Variants in USH2A observed in about 807,000 individuals in gnomAD.
The protein encoded by USH2A is Usher syndrome 2A (autosomal recessive, mild).
A neutral mutation model predicts 538.9 loss-of-function variants in USH2A; 443 were observed. The observed-to-expected ratio is 0.82, with a 90% CI of 0.76 to 0.89. USH2A has a LOEUF of 0.89. USH2A is among the 40% of genes least tolerant of loss of function. USH2A has a pLI of 0.00. For synonymous variants in USH2A, 2,413 were observed against 2,273.5 expected (o/e 1.06, Z -1.75); for missense variants, 6,633 against 6,324.8 (o/e 1.05, Z -1.65).
At chr1:216,354,041 G>A (rs2038335706) in intron 4 of USH2A, among the ~76,000 whole-genome samples, 1 of 152,066 alleles carries the variant, frequency 6.6e-6, no homozygotes, top group South Asian at 2.1e-4. Flanking sequence ...AGGCCAGAAT[G>A]ACATATTAGA....
intron 3 of USH2A, among the ~76,000 whole-genome samples, chr1:216,394,820 G>A (rs1272090888): frequency 1.1e-4 from 15 of 142,102 alleles, no homozygotes; most frequent in African/African-American, 3.6e-4. Context: ...CCGGGTTCAC[G>A]CCATTCTCCT....
intron 21 of USH2A, among the ~76,000 whole-genome samples, chr1:216,166,621 G>T (rs541874324): frequency 1.3e-5 from 2 of 152,190 alleles, no homozygotes; most frequent in South Asian, 2.1e-4. Flanking sequence ...GGCCAGAGGA[G>T]GAATCATTAA....
At chr1:216,011,383 T>C (rs1668565000) in intron 32 of USH2A, among the ~76,000 whole-genome samples, 1 of 152,186 alleles carries the variant, frequency 6.6e-6, no homozygotes, top group African/African-American at 2.4e-5. Flanking sequence ...ATAGCCCCCA[T>C]TACTTCAATC....
At chr1:215,818,645 T>C (rs1662925398) in intron 47 of USH2A, among the ~76,000 whole-genome samples, 1 of 151,864 alleles carries the variant, frequency 6.6e-6, no homozygotes, top group African/African-American at 2.4e-5. Context: ...GCATTTTCAA[T>C]GATCTATTAA....
At chr1:216,378,217 G>A (rs551637396) in intron 3 of USH2A, among the ~76,000 whole-genome samples, 2 of 152,190 alleles carry the variant, frequency 1.3e-5, no homozygotes, top group South Asian at 4.2e-4. Flanking sequence ...TACTTAAAAG[G>A]TAAAGGTGAG....
chr1:216,174,751 AAAG>A (rs1394589436), intron 21 of USH2A: 2 of 995,616 alleles, frequency 2.0e-6, no homozygotes, highest in Non-Finnish European at 2.4e-6. Context: ...ACAGTGAAAA[AAAG>A]AAGAAGGAAA....
rs150469218 is a variant in USH2A, at chr1:216,339,087, A to G, written c.785-11433T>C. ...CAAAATATTAATTGCAATCTTCTAT[A>G]AATTATATAAAGAGAAAAGCTAACT... On this transcript the variant is annotated intron_variant, in intron 4 of 71. Transcript: ENST00000307340. 5.9e-5 allele frequency among the ~76,000 whole-genome samples: 9 copies of G among 151,790 alleles called. No individual in the cohort carries two copies. In the East Asian group the frequency reaches 1.7e-3, roughly 29 times the overall value.
At chr1:215,625,960 G>T in intron 71 of USH2A, 90 bp from the exon 72 acceptor site, 1 of 1,325,768 alleles carries the variant, frequency 7.5e-7, no homozygotes, top group African/African-American at 1.5e-5. Context: ...AGTGTAAAAA[G>T]TAATAAGTAT....
intron 30 of USH2A, 129 bp downstream of exon 30, chr1:216,069,972 G>GT (rs2031502346): frequency 8.6e-7 from 1 of 1,159,812 alleles, no homozygotes; most frequent in Non-Finnish European, 1.2e-6. Context: ...GATGGGTGTT[G>GT]TTTTTAATCA....
rs1657976232 is a variant in USH2A, at chr1:215,675,208, G to A, written c.12703C>T (p.Gln4235Ter). 6.2e-7 allele frequency: 1 copy of A among 1,613,888 alleles called. No homozygotes were observed. The highest frequency in any genetic ancestry group is 8.5e-7 in the Non-Finnish European group (1 of 1,179,956). The change falls in exon 63 of 72, where the codon CAG becomes TAG. Residue 4235 changes from glutamine to a stop codon, truncating the protein, a stop_gained. Transcript: ENST00000307340. LOFTEE classifies it high-confidence loss of function. ...CAAGTGTAGATTTTATATTCACACT[G>A]CGTCCATGGTTGCAAACCTGTGTCA... The part of the protein sequence containing the change: ...YNDTGLQPWT[Q>*]CEYKIYTWNS...
At chr1:216,218,878 A>G (rs2035396706) in intron 14 of USH2A, among the ~76,000 whole-genome samples, 1 of 152,092 alleles carries the variant, frequency 6.6e-6, no homozygotes, top group Non-Finnish European at 1.5e-5. Flanking sequence ...ATGCAAAAAT[A>G]CTTGATTTGC....
intron 3 of USH2A, among the ~76,000 whole-genome samples, chr1:216,399,208 C>T (rs771998059): frequency 6.6e-5 from 10 of 152,158 alleles, no homozygotes; most frequent in South Asian, 2.1e-4. Flanking sequence ...AACAAGGACA[C>T]GAGAGTCAGG....
chr1:215,641,366 C>A (rs1240949966), intron 67 of USH2A, among the ~76,000 whole-genome samples: 2 of 152,102 alleles, frequency 1.3e-5, no homozygotes, highest in African/African-American at 4.8e-5. Flanking sequence ...CCTGACTAAT[C>A]AATCAATAGC....
chr1:215,736,562 C>T (rs530893835), intron 60 of USH2A, among the ~76,000 whole-genome samples: 1 of 151,620 alleles, frequency 6.6e-6, no homozygotes, highest in South Asian at 2.1e-4. Flanking sequence ...GGAGTAGAGC[C>T]ATAAAAGTGC....
chr1:215,783,237 T>C (rs1349546996), intron 52 of USH2A, among the ~76,000 whole-genome samples: 1 of 152,180 alleles, frequency 6.6e-6, no homozygotes, highest in Admixed American at 6.6e-5. Context: ...TAAGATTTAG[T>C]GCTTCACAAA....
chr1:216,388,846 T>C (rs2039051273), intron 3 of USH2A, among the ~76,000 whole-genome samples: 1 of 152,240 alleles, frequency 6.6e-6, no homozygotes, highest in African/African-American at 2.4e-5. Flanking sequence ...TCTTGCCTTT[T>C]GTAACTTATC....
chr1:215,861,565 T>C (rs575016121), intron 44 of USH2A, among the ~76,000 whole-genome samples: 2 of 152,298 alleles, frequency 1.3e-5, no homozygotes, highest in East Asian at 3.9e-4. Flanking sequence ...GACTGCATAG[T>C]TGAACCTGAG....
intron 30 of USH2A, among the ~76,000 whole-genome samples, chr1:216,054,692 G>A (rs1213622849): frequency 6.6e-6 from 1 of 151,690 alleles, no homozygotes; most frequent in East Asian, 1.9e-4. Context: ...GCCAACCAAG[G>A]TGTTTGGCCG....
intron 47 of USH2A, among the ~76,000 whole-genome samples, chr1:215,824,362 AT>A (rs932216644): frequency 1.4e-4 from 21 of 151,002 alleles, no homozygotes; most frequent in African/African-American, 4.6e-4. Context: ...ATTTTCTTTC[AT>A]TTTTTTTAAT....
Sources: allele counts gnomAD v4.1 joint callset (sites outside exome capture counted in the v4.1 genomes callset), GRCh38; gene constraint gnomAD v4.1.1; transcripts MANE v1.5; gene names NCBI Gene and HGNC (gene_info 2026-07-23, HGNC 2026-07-21).